The following SAMD12 variants were observed in gnomAD, a reference collection of about 807,000 sequenced individuals.
SAMD12 encodes the protein sterile alpha motif domain-containing protein 12.
SAMD12 carries 9 observed loss-of-function variants against 15.0 expected under a neutral mutation model. The ratio of observed to expected loss-of-function variants is 0.60; its 90% CI spans 0.36 to 1.05. The LOEUF (loss-of-function observed/expected upper bound fraction) is 1.05, where lower values mean the gene tolerates loss of function less well. Among genes scored for constraint, SAMD12 ranks in the 50% least tolerant of loss-of-function variants. SAMD12 has a pLI of 0.01. For missense variants in SAMD12, 230 were observed against 234.2 expected (o/e 0.98, Z 0.12); for synonymous variants, 86 against 90.1 (o/e 0.96, Z 0.25).
At chr8:118,402,399 A>G (rs1232223984) in intron 3 of SAMD12, among the ~76,000 whole-genome samples, 1 of 152,220 alleles carries the variant, frequency 6.6e-6, no homozygotes, top group Non-Finnish European at 1.5e-5. Flanking sequence ...GATGCAAAGA[A>G]AAGGCAGATG....
chr8:118,475,296 T>C (rs760912405), intron 2 of SAMD12, among the ~76,000 whole-genome samples: 8 of 152,048 alleles, frequency 5.3e-5, no homozygotes, highest in Non-Finnish European at 1.0e-4. Context: ...TCTCTTGCTG[T>C]CTCTCTCACG....
chr8:118,307,453 G>A (rs551278905), intron 4 of SAMD12, among the ~76,000 whole-genome samples: 28 of 152,164 alleles, frequency 1.8e-4, no homozygotes, highest in Non-Finnish European at 3.8e-4. Context: ...CATTGCTTCT[G>A]GGAAGCTCAT....
intron 3 of SAMD12, among the ~76,000 whole-genome samples, chr8:118,424,451 G>A (rs1429807440): frequency 4.6e-5 from 7 of 152,090 alleles, no homozygotes; most frequent in Non-Finnish European, 7.4e-5. Flanking sequence ...GTCACACACC[G>A]TGAATAATGA....
At chr8:118,522,076 G>A (rs1825401992) in intron 2 of SAMD12, among the ~76,000 whole-genome samples, 1 of 152,102 alleles carries the variant, frequency 6.6e-6, no homozygotes, top group Admixed American at 6.6e-5. Flanking sequence ...TCTTGGGGGT[G>A]AGAACTGTAT....
intron 3 of SAMD12, among the ~76,000 whole-genome samples, chr8:118,390,304 G>GGCCCAAATTTAACTTTTA (rs2130750809): frequency 6.6e-6 from 1 of 152,182 alleles, no homozygotes; most frequent in East Asian, 1.9e-4. Context: ...CACTGCACCC[G>GGCCCAAATTTAACTTTTA]GCCCAAATTT....
chr8:118,440,686 ACACACACACAAAC>A (rs1822721428), intron 2 of SAMD12, among the ~76,000 whole-genome samples: 3 of 148,380 alleles, frequency 2.0e-5, no homozygotes, highest in African/African-American at 5.1e-5. Flanking sequence ...ACACACACAC[ACACACACACAAAC>A]ACACACACAC....
At chr8:118,271,012 T>C (rs947572078) in intron 4 of SAMD12, among the ~76,000 whole-genome samples, 1 of 152,188 alleles carries the variant, frequency 6.6e-6, no homozygotes, top group Non-Finnish European at 1.5e-5. Flanking sequence ...GGGGAAGTTA[T>C]TATGTCTCTT....
intron 4 of SAMD12, among the ~76,000 whole-genome samples, chr8:118,269,917 A>G (rs1813306433): frequency 2.0e-5 from 3 of 152,128 alleles, no homozygotes; most frequent in African/African-American, 7.2e-5. Flanking sequence ...TAGGTAAATC[A>G]TCACTACTAT....
chr8:118,515,522 C>T (rs1825217413), intron 2 of SAMD12, among the ~76,000 whole-genome samples: 1 of 152,038 alleles, frequency 6.6e-6, no homozygotes, highest in African/African-American at 2.4e-5. Flanking sequence ...TGGACTAATA[C>T]AGTTGCTTAC....
At chr8:118,439,646 A>G (rs1822673471) in intron 3 of SAMD12, among the ~76,000 whole-genome samples, 186 bp downstream of exon 3, 1 of 152,086 alleles carries the variant, frequency 6.6e-6, no homozygotes, top group Non-Finnish European at 1.5e-5. Context: ...AGTTTTCTAT[A>G]ATAACCATGT....
chr8:118,480,741 CT>C (rs1029380058), intron 2 of SAMD12, among the ~76,000 whole-genome samples: 1 of 152,144 alleles, frequency 6.6e-6, no homozygotes, highest in African/African-American at 2.4e-5. Flanking sequence ...GCTTCAGATC[CT>C]TCCCCTTAAT....
chr8:118,148,953 T>C, the SAMD12 span, among the ~76,000 whole-genome samples: 1 of 152,234 alleles, frequency 6.6e-6, no homozygotes, highest in Non-Finnish European at 1.5e-5. Context: ...TTTGGGTTGT[T>C]TCTACTTTTT....
chr8:118,587,416 C>T (rs1199728445), intron 1 of SAMD12, among the ~76,000 whole-genome samples: 2 of 152,226 alleles, frequency 1.3e-5, no homozygotes, highest in Non-Finnish European at 2.9e-5. Context: ...TTCTGATGGG[C>T]TACACATTCT....
downstream of SAMD12, among the ~76,000 whole-genome samples, chr8:118,188,047 GAGAGAGAGAGAGGAAGAGAGAGAA>G (rs901469512): frequency 6.6e-6 from 1 of 152,024 alleles, no homozygotes; most frequent in East Asian, 1.9e-4. Flanking sequence ...AAGAGAGAGA[GAGAGAGAGAGAGGAAGAGAGAGAA>G]AGAGAGAGAT....
At chr8:118,160,968 A>G in the SAMD12 span, among the ~76,000 whole-genome samples, 1 of 151,790 alleles carries the variant, frequency 6.6e-6, no homozygotes, top group Non-Finnish European at 1.5e-5. Flanking sequence ...AACAGTCCCC[A>G]GTGTGTGATG....
chr8:118,495,070 G>T (rs955807095), intron 2 of SAMD12, among the ~76,000 whole-genome samples: 4 of 152,186 alleles, frequency 2.6e-5, no homozygotes, highest in Non-Finnish European at 5.9e-5. Context: ...TAAAGTGCAT[G>T]ACACAAGTGT....
At chr8:118,509,372 C>CCTGT (rs1825010565) in intron 2 of SAMD12, among the ~76,000 whole-genome samples, 1 of 152,128 alleles carries the variant, frequency 6.6e-6, no homozygotes, top group African/African-American at 2.4e-5. Flanking sequence ...TACAGGTGGG[C>CCTGT]CAGGAAACTG....
chr8:118,346,963 G>C (rs767787575), intron 4 of SAMD12, among the ~76,000 whole-genome samples: 9 of 152,186 alleles, frequency 5.9e-5, no homozygotes, highest in Non-Finnish European at 1.2e-4. Context: ...GAGTACAGTG[G>C]TGCAGTTACA....
At chr8:118,549,814 A>C (rs1006402892) in intron 2 of SAMD12, among the ~76,000 whole-genome samples, 2 of 152,214 alleles carry the variant, frequency 1.3e-5, no homozygotes, top group Admixed American at 1.3e-4. Context: ...TAGAATAACC[A>C]ATACAGAGAA....
Sources: gnomAD v4.1 joint callset for allele counts (sites outside exome capture counted in the v4.1 genomes callset) on GRCh38, gnomAD v4.1.1 for gene constraint, MANE v1.5 for transcripts, NCBI Gene and HGNC (gene_info 2026-07-23, HGNC 2026-07-21) for gene names.